CPE: variants seen among roughly 807,000 people sequenced by gnomAD.
CPE encodes the protein carboxypeptidase E, also known as carbocypeptidase E.
CPE carries 17 observed loss-of-function variants against 53.5 expected under a neutral mutation model. The ratio of observed to expected loss-of-function variants is 0.32; its 90% CI spans 0.22 to 0.48. The LOEUF is 0.48. Among genes scored for constraint, CPE ranks in the 20% least tolerant of loss-of-function variants. The probability of loss-of-function intolerance (pLI) is 0.99; values close to 1 mark genes in which losing one functional copy is unlikely to be tolerated. For synonymous variants in CPE, 226 were observed against 228.8 expected (o/e 0.99, Z 0.11); for missense variants, 524 against 614.7 (o/e 0.85, Z 1.56).
At chr4:165,419,263 C>G (rs1731169809) in intron 1 of CPE, among the ~76,000 whole-genome samples, 1 of 152,086 alleles carries the variant, frequency 6.6e-6, no homozygotes, top group African/African-American at 2.4e-5. Flanking sequence ...CACAGTTGCT[C>G]AAGTCTAAGT....
chr4:165,397,345 G>A (rs1730784562), intron 1 of CPE, among the ~76,000 whole-genome samples: 1 of 152,108 alleles, frequency 6.6e-6, no homozygotes. Context: ...AGGAAACTGA[G>A]GCCCAAAGAG....
At chr4:165,471,734 G>A (rs1732210446) in intron 3 of CPE, among the ~76,000 whole-genome samples, 1 of 152,172 alleles carries the variant, frequency 6.6e-6, no homozygotes, top group Non-Finnish European at 1.5e-5. Context: ...GTCAGAAAGT[G>A]ACATTCTTTA....
At chr4:165,428,478 A>G (rs1005690179) in intron 1 of CPE, among the ~76,000 whole-genome samples, 9 of 152,350 alleles carry the variant, frequency 5.9e-5, no homozygotes, top group Non-Finnish European at 1.2e-4. Context: ...ATCACAGCAT[A>G]AAGACAACTT....
intron 1 of CPE, among the ~76,000 whole-genome samples, chr4:165,451,969 T>C (rs988164821): frequency 1.3e-5 from 2 of 151,272 alleles, no homozygotes; most frequent in Admixed American, 6.6e-5. Flanking sequence ...ACTATATTGC[T>C]ACATGCCACT....
At chr4:165,492,600 G>C (rs1343712177) in intron 6 of CPE, among the ~76,000 whole-genome samples, 3 of 152,124 alleles carry the variant, frequency 2.0e-5, no homozygotes, top group Non-Finnish European at 2.9e-5. Flanking sequence ...AACTCTAAGG[G>C]GGACCGCATG....
intron 6 of CPE, among the ~76,000 whole-genome samples, chr4:165,491,772 G>T (rs906980179): frequency 3.3e-5 from 5 of 151,886 alleles, no homozygotes; most frequent in African/African-American, 1.2e-4. Context: ...AATATTGCTG[G>T]TAACAAGGCA....
Position 165,493,247 on chromosome 4 carries a change from G to T in CPE, c.1190G>T (p.Gly397Val). Residue 397 changes from glycine (G) to valine (V), a missense_variant, in exon 7 of 9, where the codon GGA (glycine) becomes GTA (valine). By Grantham distance (109) the Gly-to-Val change is moderately radical. Transcript: ENST00000402744. ...GCGAATGCCACCATCTCCGTGGAAGGAATAGACCACGATGTTACATCCGGT... is the reference window on the plus strand; with the variant it reads ...GCGAATGCCACCATCTCCGTGGAAGTAATAGACCACGATGTTACATCCGGT... The part of the protein sequence containing the change: ...PIANATISVE[G>V]IDHDVTSAKD... 1 of 1,613,962 alleles carries T rather than the reference G, an allele frequency of 6.2e-7. No homozygotes were observed. The highest frequency in any genetic ancestry group is 1.1e-5 in the South Asian group (1 of 91,080).
chr4:165,429,816 A>G (rs1731379765), intron 1 of CPE, among the ~76,000 whole-genome samples: 1 of 152,106 alleles, frequency 6.6e-6, no homozygotes. Context: ...AAGACTGATT[A>G]TAAGAAATTA....
chr4:165,468,404 T>A (rs909441508), intron 3 of CPE, among the ~76,000 whole-genome samples: 1 of 152,160 alleles, frequency 6.6e-6, no homozygotes, highest in East Asian at 1.9e-4. Context: ...GTCTCCCAGA[T>A]CCGTGCCTCT....
At chr4:165,489,708 C>T (rs1732568021) in intron 6 of CPE, among the ~76,000 whole-genome samples, 1 of 152,110 alleles carries the variant, frequency 6.6e-6, no homozygotes, top group East Asian at 1.9e-4. Context: ...TAATACAAAA[C>T]AAATAAAACA....
intron 8 of CPE, 52 bp from the exon 9 acceptor site, chr4:165,497,460 T>TAAA: frequency 4.7e-6 from 5 of 1,070,288 alleles, no homozygotes; most frequent in Non-Finnish European, 6.4e-6. Context: ...TATTTCAATT[T>TAAA]AAAAAAACAC....
rs745772859 is a variant in CPE at position 165,379,474 on chromosome 4, G to T, written c.253G>T (p.Gly85Cys). 1 of 1,603,392 alleles carries T rather than the reference G, an allele frequency of 6.2e-7. No homozygotes were observed. The highest frequency in any genetic ancestry group is 8.5e-7 in the Non-Finnish European group (1 of 1,173,504). The change falls in exon 1 of 9, where the codon GGC (glycine) becomes TGC (cysteine). Residue 85 changes from glycine to cysteine, a missense_variant. Physicochemically the swap from Gly to Cys is radical, Grantham distance 159. Coordinates refer to ENST00000402744, the MANE Select transcript of CPE (RefSeq NM_001873.4). The surrounding 1 kb of genome is among the most constrained non-coding windows in gnomAD (Gnocchi z 6.0). Reference protein sequence around the residue: ...RIYTVGRSFEGRELLVIELSD... With the variant: ...RIYTVGRSFECRELLVIELSD... ...TTACACGGTGGGGCGCAGCTTCGAG[G>T]GCCGGGAGCTCCTGGTCATCGAGCT...
intron 3 of CPE, among the ~76,000 whole-genome samples, chr4:165,481,924 A>G (rs1732421763): frequency 6.6e-6 from 1 of 152,224 alleles, no homozygotes; most frequent in African/African-American, 2.4e-5. Context: ...TACAGATCAG[A>G]CAGCGATGTC....
At chr4:165,406,933 A>G (rs1730963148) in intron 1 of CPE, among the ~76,000 whole-genome samples, 1 of 152,212 alleles carries the variant, frequency 6.6e-6, no homozygotes, top group African/African-American at 2.4e-5. Context: ...ATGTTGTAGC[A>G]TGTATTAGTA....
chr4:165,403,212 A>C (rs1730896757), intron 1 of CPE, among the ~76,000 whole-genome samples: 1 of 152,234 alleles, frequency 6.6e-6, no homozygotes, highest in Non-Finnish European at 1.5e-5. Flanking sequence ...ACAAAAGCTG[A>C]AGGCGACTGT....
At chr4:165,453,219 A>G (rs1731843189) in intron 1 of CPE, among the ~76,000 whole-genome samples, 1 of 151,966 alleles carries the variant, frequency 6.6e-6, no homozygotes, top group Admixed American at 6.6e-5. Flanking sequence ...CGGCCTCCCA[A>G]AGTGCTAGGA....
intron 1 of CPE, chr4:165,404,934 T>C (rs1239486709): frequency 1.3e-6 from 1 of 759,898 alleles, no homozygotes; most frequent in Non-Finnish European, 2.5e-6. Context: ...GGAGATGTGT[T>C]ACTAGCAAAG....
chr4:165,384,448 T>C (rs1009928615), intron 1 of CPE, among the ~76,000 whole-genome samples: 31 of 152,188 alleles, frequency 2.0e-4, no homozygotes, highest in Middle Eastern at 3.4e-3. Flanking sequence ...CATCATGAGA[T>C]CCTGTCTCTA....
In CPE at chr4:165,380,619, A is replaced by G. The variant is rs375019384; in HGVS notation, c.307+1091A>G. On this transcript the variant is annotated intron_variant, in intron 1 of 8. Transcript: ENST00000402744. ...AGCAAGCAAGAAAAGTAGGCTAAAA[A>G]TTCTCAGTGCAGGGCCAGTATAGTT... is the stretch of plus-strand genomic sequence containing the variant. Among the ~76,000 whole-genome samples the G allele has an allele frequency of 9.8e-5, 15 of 152,326 alleles. 1 individual carries two copies. Among genetic ancestry groups the G allele is most frequent in the Admixed American group, 3.3e-4 (5 of 15,304 alleles).
Sources: gnomAD v4.1 joint callset for allele counts (sites outside exome capture counted in the v4.1 genomes callset) on GRCh38, gnomAD v4.1.1 for gene constraint, Gnocchi (gnomAD v3.1) non-coding constraint, MANE v1.5 for transcripts, NCBI Gene and HGNC (gene_info 2026-07-23, HGNC 2026-07-21) for gene names.